Variants in PPP2R5E observed in about 807,000 individuals in gnomAD.
The protein encoded by PPP2R5E is protein phosphatase 2 regulatory subunit B'epsilon, also known as serine/threonine-protein phosphatase 2A 56 kDa regulatory subunit epsilon isoform.
In PPP2R5E, 4 loss-of-function variants were observed where a neutral mutation model predicts 65.3. The ratio of observed to expected loss-of-function variants is 0.06; its 90% CI spans 0.03 to 0.14. The LOEUF is 0.14. PPP2R5E is among the 10% of genes least tolerant of loss of function. The probability of loss-of-function intolerance (pLI) is 1.00; values close to 1 mark genes in which losing one functional copy is unlikely to be tolerated. For missense variants in PPP2R5E, 274 were observed against 556.1 expected (o/e 0.49, Z 5.10); for synonymous variants, 183 against 187.4 (o/e 0.98, Z 0.19).
In PPP2R5E at chr14:63,421,940, CAGCTAATG is replaced by C. The variant is rs1887049499; in HGVS notation, c.456+45_456+52del. On this transcript the variant is annotated intron_variant, in intron 4 of 13. Coordinates refer to ENST00000337537, the MANE Select transcript of PPP2R5E (RefSeq NM_006246.5). ...CCCTTCAAGGAATTCCCATGCTAAT[CAGCTAATG>C]AGTTAATGGAGTTTTCTTTTATAAC... The C allele has an allele frequency of 5.5e-5, 76 of 1,373,296 alleles. 1 individual carries two copies. The South Asian group carries it at 8.7e-4, about 16-fold the overall frequency. The allele number at this position is 1,373,296 out of a possible 1,614,324, so 85.1% of individuals were successfully genotyped here.
intron 4 of PPP2R5E, among the ~76,000 whole-genome samples, chr14:63,416,660 T>C (rs1375622192): frequency 6.6e-6 from 1 of 151,902 alleles, no homozygotes; most frequent in Non-Finnish European, 1.5e-5. Context: ...AATTTCACTG[T>C]TTCATTTAAA....
chr14:63,467,858 C>A (rs1486553528), intron 2 of PPP2R5E, among the ~76,000 whole-genome samples: 1 of 152,200 alleles, frequency 6.6e-6, no homozygotes, highest in Non-Finnish European at 1.5e-5. Context: ...TATAGTGTGA[C>A]AGCTAAGACG....
intron 5 of PPP2R5E, among the ~76,000 whole-genome samples, chr14:63,407,558 T>C (rs954645666): frequency 6.6e-6 from 1 of 150,458 alleles, no homozygotes; most frequent in East Asian, 2.0e-4. Flanking sequence ...TTATTTTTTT[T>C]ATATAAAAAA....
chr14:63,467,605 C>T (rs17101216), intron 2 of PPP2R5E, among the ~76,000 whole-genome samples: 4,458 of 152,238 alleles, frequency 0.029, 193 homozygotes, highest in African/African-American at 0.097. Flanking sequence ...AAACTAAGCT[C>T]GGCAACTAGG....
At chr14:63,422,124 G>A in intron 3 of PPP2R5E, 30 bp from the exon 4 acceptor site, 3 of 1,558,616 alleles carry the variant, frequency 1.9e-6, no homozygotes, top group Non-Finnish European at 2.7e-6. Flanking sequence ...AGAGTTAACG[G>A]GAAGCACCTT....
intron 2 of PPP2R5E, among the ~76,000 whole-genome samples, chr14:63,524,112 C>A (rs1893084736): frequency 6.6e-6 from 1 of 152,222 alleles, no homozygotes; most frequent in Non-Finnish European, 1.5e-5. Flanking sequence ...TGCCAAGTCT[C>A]AATTTGCTAC....
intron 3 of PPP2R5E, among the ~76,000 whole-genome samples, chr14:63,434,610 A>ATTTC (rs1213119254): frequency 6.6e-6 from 1 of 152,132 alleles, no homozygotes; most frequent in African/African-American, 2.4e-5. Context: ...GATATCCTTA[A>ATTTC]TTTCTTTACT....
chr14:63,454,646 T>G (rs1385877726), intron 2 of PPP2R5E, among the ~76,000 whole-genome samples: 1 of 152,210 alleles, frequency 6.6e-6, no homozygotes, highest in Non-Finnish European at 1.5e-5. Flanking sequence ...CTAAAAAATA[T>G]GTAGAAATTT....
At chr14:63,449,768 A>G (rs758660678) in intron 3 of PPP2R5E, among the ~76,000 whole-genome samples, 1 of 141,420 alleles carries the variant, frequency 7.1e-6, no homozygotes, top group African/African-American at 2.6e-5. Flanking sequence ...AGAACCCCTA[A>G]GTTAAAGTAA....
Position 63,503,239 on chromosome 14 carries a change from GCCT to G in PPP2R5E, c.157+36287_157+36289del, listed in dbSNP as rs535931948. The stretch of plus-strand genomic sequence containing the variant: ...AGACTAGACAAAGCTTCTTGGGAAG[GCCT>G]CCTCTTGAGCTGAGCCCTAAGGAGA... On this transcript the variant is annotated intron_variant, in intron 2 of 13. Coordinates refer to ENST00000337537, the MANE Select transcript of PPP2R5E (RefSeq NM_006246.5). 1.3e-3 allele frequency among the ~76,000 whole-genome samples: 199 copies of G among 152,202 alleles called. 1 individual carries two copies. The highest frequency in any genetic ancestry group is 4.7e-3 in the African/African-American group (197 of 41,526).
chr14:63,389,998 C>A (rs1417579121), intron 10 of PPP2R5E, among the ~76,000 whole-genome samples: 1 of 152,088 alleles, frequency 6.6e-6, no homozygotes, highest in Non-Finnish European at 1.5e-5. Flanking sequence ...ACACACTGCA[C>A]CGGCCCCTGA....
Position 63,430,373 on chromosome 14 carries a change from G to GCATACATACATACATACATA in PPP2R5E, c.355-8280_355-8279insTATGTATGTATGTATGTATG, listed in dbSNP as rs1402372223. Among the ~76,000 whole-genome samples the GCATACATACATACATACATA allele has an allele frequency of 3.9e-3, 497 of 126,618 alleles. 1 individual carries two copies. Among genetic ancestry groups the GCATACATACATACATACATA allele is most frequent in the African/African-American group, 0.014 (425 of 31,436 alleles). 83.1% of individuals were successfully genotyped at this position (126,618 alleles called of 152,430 possible). On this transcript the variant is annotated intron_variant, in intron 3 of 13. Transcript: ENST00000337537. The stretch of plus-strand genomic sequence containing the variant: ...TACATACATACATACATACATACAT[G>GCATACATACATACATACATA]CATGCATACATACATACATACATAC...
chr14:63,391,287 G>A (rs1040197058), intron 10 of PPP2R5E, among the ~76,000 whole-genome samples: 13 of 152,208 alleles, frequency 8.5e-5, no homozygotes, highest in African/African-American at 2.9e-4. Flanking sequence ...CTTACTTAGT[G>A]TACTGGGGCA....
chr14:63,430,405 A>ATACATACATG (rs1887605729), intron 3 of PPP2R5E, among the ~76,000 whole-genome samples: 60 of 144,170 alleles, frequency 4.2e-4, no homozygotes, highest in African/African-American at 1.6e-3. Context: ...ATACATGCAT[A>ATACATACATG]CATACATACA....
chr14:63,473,167 TCAGA>T (rs1890213512), intron 2 of PPP2R5E, among the ~76,000 whole-genome samples: 1 of 152,002 alleles, frequency 6.6e-6, no homozygotes, highest in South Asian at 2.1e-4. Flanking sequence ...AATGAAACAA[TCAGA>T]CAGAGAAGTT....
At chr14:63,436,089 G>A (rs1346510178) in intron 3 of PPP2R5E, among the ~76,000 whole-genome samples, 1 of 152,160 alleles carries the variant, frequency 6.6e-6, no homozygotes, top group Non-Finnish European at 1.5e-5. Context: ...TGATACCAAG[G>A]CTTTGCTGCA....
At chr14:63,475,159 G>T (rs1455261746) in intron 2 of PPP2R5E, among the ~76,000 whole-genome samples, 1 of 152,148 alleles carries the variant, frequency 6.6e-6, no homozygotes, top group Non-Finnish European at 1.5e-5. Flanking sequence ...TCTTTTTCTT[G>T]GGTCTTTCAG....
At chr14:63,426,076 T>C (rs186157923) in intron 3 of PPP2R5E, among the ~76,000 whole-genome samples, 1 of 152,348 alleles carries the variant, frequency 6.6e-6, no homozygotes, top group East Asian at 1.9e-4. Flanking sequence ...GTTGGACAAT[T>C]CAGAGTTGAC....
At chr14:63,395,035 T>C (rs1885240300) in intron 7 of PPP2R5E, among the ~76,000 whole-genome samples, 191 bp downstream of exon 7, 1 of 152,204 alleles carries the variant, frequency 6.6e-6, no homozygotes, top group South Asian at 2.1e-4. Context: ...TGGCAATGCA[T>C]ACTTGTGGAA....
Sources: gnomAD v4.1 joint callset for allele counts (sites outside exome capture counted in the v4.1 genomes callset) on GRCh38, gnomAD v4.1.1 for gene constraint, MANE v1.5 for transcripts, NCBI Gene and HGNC (gene_info 2026-07-23, HGNC 2026-07-21) for gene names.